Variants in ALDH1A2 observed in about 807,000 individuals in gnomAD.
The protein encoded by ALDH1A2 is retinal dehydrogenase 2.
A neutral mutation model predicts 60.3 loss-of-function variants in ALDH1A2; 27 were observed. The observed-to-expected ratio is 0.45, with a 90% confidence interval of 0.33 to 0.62. ALDH1A2 has a LOEUF of 0.62. ALDH1A2 is among the 20% of genes least tolerant of loss of function. The pLI, the probability that ALDH1A2 is intolerant of heterozygous loss-of-function variation, is 0.02. For synonymous variants in ALDH1A2, 289 were observed against 232.4 expected (o/e 1.24, Z -2.21); for missense variants, 581 against 643.8 (o/e 0.90, Z 1.06).
intron 1 of ALDH1A2, among the ~76,000 whole-genome samples, chr15:58,059,260 A>T (rs1243966101): frequency 2.0e-5 from 3 of 152,180 alleles, no homozygotes; most frequent in African/African-American, 7.2e-5. Context: ...CGTGAATTAG[A>T]TTTGCTGTTT....
intron 10 of ALDH1A2, 135 bp downstream of exon 10, chr15:57,961,877 A>T: frequency 8.1e-7 from 1 of 1,239,544 alleles, no homozygotes; most frequent in Non-Finnish European, 1.1e-6. Context: ...GAATTTTCAT[A>T]GCCATGTTCA....
chr15:58,036,030 A>G (rs1392236563), intron 1 of ALDH1A2, among the ~76,000 whole-genome samples: 1 of 151,756 alleles, frequency 6.6e-6, no homozygotes, highest in African/African-American at 2.4e-5. Context: ...AAAATAATGT[A>G]TGCAAGGATA....
At chr15:58,019,022 T>C (rs1407623588) in intron 1 of ALDH1A2, among the ~76,000 whole-genome samples, 1 of 152,198 alleles carries the variant, frequency 6.6e-6, no homozygotes, top group African/African-American at 2.4e-5. Flanking sequence ...TTTGTCAATG[T>C]TAATTTCCTG....
intron 1 of ALDH1A2, among the ~76,000 whole-genome samples, chr15:58,063,039 G>C (rs770642547): frequency 1.3e-5 from 2 of 152,160 alleles, no homozygotes; most frequent in Non-Finnish European, 2.9e-5. Flanking sequence ...CTTCTAGGAG[G>C]AGGAGGAAGT....
At chr15:57,958,022 G>C (rs1285252180) in intron 12 of ALDH1A2, among the ~76,000 whole-genome samples, 1 of 152,124 alleles carries the variant, frequency 6.6e-6, no homozygotes, top group African/African-American at 2.4e-5. Context: ...GAACGGAGGT[G>C]CTTCTCTGTG....
intron 1 of ALDH1A2, among the ~76,000 whole-genome samples, chr15:58,061,954 G>A (rs11071367): frequency 0.42 from 63,181 of 151,922 alleles, 14,203 homozygotes; most frequent in South Asian, 0.71. Context: ...CTCCCAGAAG[G>A]CAGATGTTTC....
chr15:58,063,955 G>A (rs1009313619), intron 1 of ALDH1A2, among the ~76,000 whole-genome samples: 6 of 142,838 alleles, frequency 4.2e-5, no homozygotes, highest in African/African-American at 1.3e-4. Context: ...TAGGGAGTAA[G>A]AGAACTGGAA....
chr15:58,014,129 T>G (rs1895720215), intron 2 of ALDH1A2, 48 bp downstream of exon 2: 1 of 1,614,116 alleles, frequency 6.2e-7, no homozygotes, highest in Non-Finnish European at 8.5e-7. Flanking sequence ...GCTCTGCTGT[T>G]TGAAGGCAGT....
chr15:58,017,790 C>G (rs1450721854), intron 1 of ALDH1A2, among the ~76,000 whole-genome samples: 1 of 151,666 alleles, frequency 6.6e-6, no homozygotes, highest in Non-Finnish European at 1.5e-5. Context: ...TTTATTCTTA[C>G]TTCTGTAAAT....
At chr15:58,046,643 C>T (rs1896646413) in intron 1 of ALDH1A2, among the ~76,000 whole-genome samples, 1 of 151,958 alleles carries the variant, frequency 6.6e-6, no homozygotes, top group African/African-American at 2.4e-5. Context: ...AGAAATAAGA[C>T]CTGTCTGCCT....
intron 1 of ALDH1A2, among the ~76,000 whole-genome samples, chr15:58,034,748 A>G (rs1249241205): frequency 6.6e-6 from 1 of 151,670 alleles, no homozygotes; most frequent in Non-Finnish European, 1.5e-5. Flanking sequence ...TTTCTTTGTC[A>G]GCCCATTGAT....
chr15:58,020,704 TC>T (rs1479242348), intron 1 of ALDH1A2, among the ~76,000 whole-genome samples: 1 of 152,174 alleles, frequency 6.6e-6, no homozygotes, highest in Non-Finnish European at 1.5e-5. Context: ...TTAGATATTT[TC>T]TTTCATTTTC....
chr15:57,991,755 C>G (rs549778501), intron 7 of ALDH1A2, among the ~76,000 whole-genome samples: 27 of 152,290 alleles, frequency 1.8e-4, no homozygotes, highest in Non-Finnish European at 2.9e-4. Flanking sequence ...TGGCTACTAG[C>G]TTATTTTAAA....
chr15:57,994,671 G>GA (rs1408581120), intron 5 of ALDH1A2, among the ~76,000 whole-genome samples: 1 of 152,042 alleles, frequency 6.6e-6, no homozygotes, highest in Non-Finnish European at 1.5e-5. Flanking sequence ...CTTGAGAAAA[G>GA]AAACAGTGGG....
At chr15:58,049,742 G>A (rs1464807726) in intron 1 of ALDH1A2, among the ~76,000 whole-genome samples, 2 of 152,058 alleles carry the variant, frequency 1.3e-5, no homozygotes, top group African/African-American at 4.8e-5. Context: ...AACATGGTAA[G>A]GCTACCTGGC....
intron 1 of ALDH1A2, among the ~76,000 whole-genome samples, chr15:58,048,159 A>T (rs1859762400): frequency 6.6e-6 from 1 of 152,082 alleles, no homozygotes; most frequent in African/African-American, 2.4e-5. Flanking sequence ...GTATTCAGAC[A>T]GTACAAGGTC....
At chr15:58,047,722 G>GA (rs1238641969) in intron 1 of ALDH1A2, among the ~76,000 whole-genome samples, 2 of 151,860 alleles carry the variant, frequency 1.3e-5, no homozygotes, top group Non-Finnish European at 2.9e-5. Context: ...TAGAGAGGGG[G>GA]AAAAAACTTC....
At chr15:57,959,155 A>G (rs1405755771) in intron 12 of ALDH1A2, among the ~76,000 whole-genome samples, 1 of 152,136 alleles carries the variant, frequency 6.6e-6, no homozygotes, top group Admixed American at 6.5e-5. Flanking sequence ...TTGAAAGTAT[A>G]TTTTATGCTC....
At chr15:58,054,337 C>T (rs1336480772) in intron 1 of ALDH1A2, among the ~76,000 whole-genome samples, 1 of 152,146 alleles carries the variant, frequency 6.6e-6, no homozygotes, top group South Asian at 2.1e-4. Flanking sequence ...CAAGATCTGG[C>T]TTAAAGGACA....
Sources: allele counts gnomAD v4.1 joint callset (sites outside exome capture counted in the v4.1 genomes callset), GRCh38; gene constraint gnomAD v4.1.1; transcripts MANE v1.5; gene names NCBI Gene and HGNC (gene_info 2026-07-23, HGNC 2026-07-21).